Variants in PTK2 observed in about 807,000 individuals in gnomAD.
PTK2 encodes the protein focal adhesion kinase 1.
In PTK2, 45 loss-of-function variants were observed where a neutral mutation model predicts 150.1. That is an observed-to-expected ratio of 0.30 (90% CI 0.24 to 0.38). The LOEUF is 0.38. Ranked by LOEUF, PTK2 falls within the 10% of genes least tolerant of loss-of-function variation. The pLI is 1.00. For synonymous variants in PTK2, 432 were observed against 449.2 expected (o/e 0.96, Z 0.48); for missense variants, 919 against 1,307.3 (o/e 0.70, Z 4.58).
Position 140,893,273 on chromosome 8 carries a change from T to TGTA in PTK2, c.-32-2507_-32-2505dup, listed in dbSNP as rs371368926. 4.0e-3 allele frequency among the ~76,000 whole-genome samples: 609 copies of TGTA among 152,272 alleles called. 2 individuals are homozygous for TGTA. The highest frequency in any genetic ancestry group is 0.014 in the African/African-American group (574 of 41,562). On this transcript the variant is annotated intron_variant, in intron 2 of 31. Coordinates refer to ENST00000522684, the Ensembl canonical transcript of PTK2. The stretch of plus-strand genomic sequence containing the variant: ...GCTGCAGTAGCTGTGATCATGCCAT[T>TGTA]GTACTCCAGCTTGGGCGACAGAAAG...
At chr8:140,905,108 C>A (rs926694495) in intron 2 of PTK2, among the ~76,000 whole-genome samples, 13 of 152,216 alleles carry the variant, frequency 8.5e-5, no homozygotes, top group African/African-American at 2.9e-4. Flanking sequence ...TTAGATCTTT[C>A]CTGCTTTCTC....
intron 22 of PTK2, among the ~76,000 whole-genome samples, chr8:140,729,039 C>A (rs1408021487): frequency 1.3e-5 from 2 of 151,960 alleles, no homozygotes; most frequent in African/African-American, 4.8e-5. Context: ...AGATGCCTTG[C>A]AGCTTCACTT....
intron 18 of PTK2, 58 bp from the exon 22 acceptor site, chr8:140,744,825 G>A (rs551244740): frequency 1.9e-4 from 180 of 957,858 alleles, no homozygotes; most frequent in Non-Finnish European, 2.5e-4. Flanking sequence ...GCAGTGAATC[G>A]AAATCAAAAG....
rs184707307 is a variant in PTK2, at chr8:140,732,400, T to C, written c.2030+2851A>G. ...ACCTATTTAAAGTAATTATATGTAG[T>C]TCTAAAAATATGTATTGGATACTTT... On this transcript the variant is annotated intron_variant, in intron 22 of 31. Coordinates refer to ENST00000522684, the Ensembl canonical transcript of PTK2. 2.5e-3 allele frequency among the ~76,000 whole-genome samples: 379 copies of C among 152,360 alleles called. 2 individuals carry two copies. The highest frequency in any genetic ancestry group is 4.5e-3 in the Non-Finnish European group (303 of 68,030).
rs549393689 is a variant in PTK2 at position 140,858,664 on chromosome 8, A to T, written c.450+5648T>A. Among the ~76,000 whole-genome samples, 19 of 152,308 alleles carry T rather than the reference A, an allele frequency of 1.2e-4. No individual in the cohort carries two copies. The South Asian group carries it at 3.7e-3, about 30-fold the overall frequency. ...GCCTACCCTGATTTGTGTACCCAGC[A>T]ATACTATTTTTCAAGCAGGAGAAAA... is the stretch of plus-strand genomic sequence containing the variant. On this transcript the variant is annotated intron_variant, in intron 5 of 31. Coordinates refer to ENST00000522684, the Ensembl canonical transcript of PTK2.
rs769036824 is a variant in PTK2, at chr8:140,890,647, CAGG to C, written c.88_90del (p.Pro30del). On this transcript the variant is annotated inframe_deletion, in exon 3 of 32. Coordinates refer to ENST00000522684, the Ensembl canonical transcript of PTK2. The stretch of plus-strand genomic sequence containing the variant: ...ACCTTTAATACTCGCTCCATTGCAC[CAGG>C]AGAACGTTCCATACCAGTACCCAGG... The C allele has an allele frequency of 4.3e-6, 7 of 1,614,044 alleles. No homozygotes were observed. The South Asian group carries it at 6.6e-5, about 15-fold the overall frequency.
chr8:140,991,839 T>C (rs2100195789), intron 1 of PTK2, among the ~76,000 whole-genome samples: 1 of 151,356 alleles, frequency 6.6e-6, no homozygotes, highest in South Asian at 2.1e-4. Context: ...TAAATACCCG[T>C]CTCTACAAAG....
chr8:140,824,454 T>C (rs923176606), intron 8 of PTK2, among the ~76,000 whole-genome samples: 1 of 152,316 alleles, frequency 6.6e-6, no homozygotes, highest in Middle Eastern at 3.4e-3. Context: ...GTTAGTTTCC[T>C]ATGGACACAG....
At chr8:140,774,602 T>C (rs1463826288) in intron 14 of PTK2, among the ~76,000 whole-genome samples, 1 of 152,184 alleles carries the variant, frequency 6.6e-6, no homozygotes, top group Non-Finnish European at 1.5e-5. Flanking sequence ...TGAGACCTAC[T>C]GGGCTGCGTT....
At chr8:140,794,484 A>G (rs2100090423) in intron 12 of PTK2, among the ~76,000 whole-genome samples, 1 of 152,028 alleles carries the variant, frequency 6.6e-6, no homozygotes, top group Non-Finnish European at 1.5e-5. Context: ...AATTCATTCT[A>G]ATCAGTTCCC....
chr8:140,800,851 CAG>C (rs1283170613), intron 11 of PTK2, among the ~76,000 whole-genome samples: 1 of 152,164 alleles, frequency 6.6e-6, no homozygotes, highest in Non-Finnish European at 1.5e-5. Flanking sequence ...TATTTTCCTT[CAG>C]AGTGTCTGGC....
At chr8:140,901,774 GGA>G (rs1356219694) in intron 2 of PTK2, among the ~76,000 whole-genome samples, 1 of 151,694 alleles carries the variant, frequency 6.6e-6, no homozygotes, top group African/African-American at 2.4e-5. Context: ...ATCTACATTA[GGA>G]ATATTTCTCA....
At chr8:140,952,167 C>A (rs752977041) in intron 1 of PTK2, among the ~76,000 whole-genome samples, 1 of 152,144 alleles carries the variant, frequency 6.6e-6, no homozygotes, top group Admixed American at 6.5e-5. Flanking sequence ...TTGTGACAGG[C>A]GTTAAACAGT....
chr8:140,977,517 G>A (rs944402646), intron 1 of PTK2, among the ~76,000 whole-genome samples: 4 of 151,882 alleles, frequency 2.6e-5, no homozygotes, highest in African/African-American at 9.7e-5. Context: ...AGCTACTCAG[G>A]AGGCTGAGGC....
chr8:140,998,818 C>CAA (rs959649621), intron 1 of PTK2, among the ~76,000 whole-genome samples: 103 of 53,426 alleles, frequency 1.9e-3, no homozygotes, highest in African/African-American at 4.9e-3. Context: ...GACTCCGTCT[C>CAA]AAAAAAAAAA....
chr8:140,731,768 G>T (rs745547053), intron 22 of PTK2, among the ~76,000 whole-genome samples: 1 of 152,046 alleles, frequency 6.6e-6, no homozygotes, highest in Non-Finnish European at 1.5e-5. Flanking sequence ...TGGTGGTGTG[G>T]TGTGCATGCC....
At chr8:140,861,663 T>C (rs145618933) in intron 5 of PTK2, among the ~76,000 whole-genome samples, 32 of 152,348 alleles carry the variant, frequency 2.1e-4, no homozygotes, top group African/African-American at 7.5e-4. Flanking sequence ...TTATCTCATA[T>C]AATGAACTTA....
At chr8:140,932,834 A>G (rs2100172339) in intron 1 of PTK2, among the ~76,000 whole-genome samples, 1 of 147,080 alleles carries the variant, frequency 6.8e-6, no homozygotes, top group African/African-American at 2.5e-5. Flanking sequence ...GTTTGTATAC[A>G]GCTAGCTTAC....
intron 29 of PTK2, among the ~76,000 whole-genome samples, chr8:140,673,750 C>T (rs1489925943): frequency 6.6e-6 from 1 of 152,170 alleles, no homozygotes; most frequent in African/African-American, 2.4e-5. Context: ...CAGGCTGCAC[C>T]TGACTTCTGA....
Sources: gnomAD v4.1 joint callset for allele counts (sites outside exome capture counted in the v4.1 genomes callset) on GRCh38, gnomAD v4.1.1 for gene constraint, MANE v1.5 for transcripts, NCBI Gene and HGNC (gene_info 2026-07-23, HGNC 2026-07-21) for gene names.